PRKCH: variants seen among roughly 807,000 people sequenced by gnomAD.
The protein encoded by PRKCH is protein kinase C eta.
A neutral mutation model predicts 82.5 loss-of-function variants in PRKCH; 28 were observed. The observed-to-expected ratio is 0.34, with a 90% CI of 0.25 to 0.47. The LOEUF is 0.47. PRKCH is among the 20% of genes least tolerant of loss of function. The pLI is 1.00. For missense variants in PRKCH, 705 were observed against 881.8 expected (o/e 0.80, Z 2.54); for synonymous variants, 322 against 327.4 (o/e 0.98, Z 0.18).
At chr14:61,246,861 T>C (rs2044888815) in intron 1 of PRKCH, among the ~76,000 whole-genome samples, 1 of 152,218 alleles carries the variant, frequency 6.6e-6, no homozygotes. Flanking sequence ...GTGCTGGGAT[T>C]ACAGATGTGA....
upstream of PRKCH, among the ~76,000 whole-genome samples, chr14:61,318,549 T>C (rs1371990876): frequency 6.6e-6 from 1 of 152,040 alleles, no homozygotes; most frequent in African/African-American, 2.4e-5. Context: ...GTCCACACAG[T>C]TGGCTCAAGC....
At chr14:61,432,969 T>C (rs1175306834) in intron 2 of PRKCH, among the ~76,000 whole-genome samples, 1 of 145,228 alleles carries the variant, frequency 6.9e-6, no homozygotes, top group Non-Finnish European at 1.5e-5. Flanking sequence ...TACATAAGTA[T>C]ACGTGTACCA....
chr14:61,372,067 TG>T (rs2046370059), intron 1 of PRKCH, among the ~76,000 whole-genome samples: 1 of 152,014 alleles, frequency 6.6e-6, no homozygotes, highest in Non-Finnish European at 1.5e-5. Flanking sequence ...CCCATCCTGG[TG>T]GGTTTTTGTT....
At chr14:61,320,055 G>A (rs2045595781), upstream of PRKCH, among the ~76,000 whole-genome samples, 1 of 152,146 alleles carries the variant, frequency 6.6e-6, no homozygotes, top group Non-Finnish European at 1.5e-5. Flanking sequence ...GGCCAGGCAC[G>A]GGGGCTCATG....
chr14:61,537,133 T>C (rs2043121133), intron 12 of PRKCH, among the ~76,000 whole-genome samples: 1 of 152,202 alleles, frequency 6.6e-6, no homozygotes, highest in Admixed American at 6.5e-5. Flanking sequence ...GGGAAGACTA[T>C]TTTTCTTGCT....
intron 1 of PRKCH, among the ~76,000 whole-genome samples, chr14:61,333,023 T>G (rs2045810386): frequency 6.6e-6 from 1 of 152,256 alleles, no homozygotes; most frequent in Admixed American, 6.5e-5. Context: ...TACTCAGATT[T>G]GTTCTGGGCT....
At chr14:61,325,611 T>A (rs1034066116) in intron 1 of PRKCH, among the ~76,000 whole-genome samples, 4 of 152,146 alleles carry the variant, frequency 2.6e-5, no homozygotes, top group African/African-American at 9.7e-5. Flanking sequence ...ATCAGTAAGT[T>A]GGACTTTATC....
At chr14:61,300,391 A>T (rs973833721) in intron 1 of PRKCH, among the ~76,000 whole-genome samples, 1 of 152,218 alleles carries the variant, frequency 6.6e-6, no homozygotes, top group African/African-American at 2.4e-5. Context: ...AACAGAATTT[A>T]TTGAGCACCT....
intron 10 of PRKCH, among the ~76,000 whole-genome samples, chr14:61,491,852 C>T (rs1265603389): frequency 6.6e-6 from 1 of 152,082 alleles, no homozygotes; most frequent in Non-Finnish European, 1.5e-5. Context: ...GGGTATGATC[C>T]AGTGAGGGAG....
In PRKCH at chr14:61,313,641, T is replaced by C. The variant is rs186491397; in HGVS notation, c.-19+125973T>C. Among the ~76,000 whole-genome samples, 10 of 152,266 alleles carry C rather than the reference T, an allele frequency of 6.6e-5. No homozygotes were observed. In the East Asian group the frequency reaches 1.7e-3, roughly 26 times the overall value. The stretch of plus-strand genomic sequence containing the variant: ...AATTTACAAAAAAAAGAAGGTTTAA[T>C]TGGACTCATAGTTCCATGTGGCTGG... On this transcript the variant is annotated intron_variant, in intron 1 of 3. Coordinates refer to the PRKCH transcript ENST00000555185.
chr14:61,482,707 A>C (rs975846250), intron 9 of PRKCH, among the ~76,000 whole-genome samples: 1 of 152,198 alleles, frequency 6.6e-6, no homozygotes, highest in Non-Finnish European at 1.5e-5. Context: ...AGCAGAACCC[A>C]TCTTTCTGGA....
At chr14:61,519,025 G>A (rs917719812) in intron 10 of PRKCH, among the ~76,000 whole-genome samples, 11 of 152,112 alleles carry the variant, frequency 7.2e-5, no homozygotes, top group African/African-American at 2.7e-4. Flanking sequence ...GCTCACACCT[G>A]CAATCCCAGC....
intron 6 of PRKCH, among the ~76,000 whole-genome samples, chr14:61,451,400 T>G (rs1446950683): frequency 6.6e-6 from 1 of 151,668 alleles, no homozygotes; most frequent in Non-Finnish European, 1.5e-5. Context: ...AATGAGAAGG[T>G]TGGGTTAAGA....
At chr14:61,451,693 A>G (rs1050181505) in intron 6 of PRKCH, among the ~76,000 whole-genome samples, 47 of 152,306 alleles carry the variant, frequency 3.1e-4, no homozygotes, top group African/African-American at 1.1e-3. Context: ...TTGTATGGAA[A>G]TGTAATGATC....
intron 1 of PRKCH, among the ~76,000 whole-genome samples, chr14:61,198,329 T>C (rs553020180): frequency 6.6e-6 from 1 of 152,298 alleles, no homozygotes; most frequent in Admixed American, 6.5e-5. Flanking sequence ...GCCTAATTAC[T>C]GGAAGCTCCC....
At chr14:61,350,722 G>T (rs903409590) in intron 1 of PRKCH, among the ~76,000 whole-genome samples, 1 of 152,230 alleles carries the variant, frequency 6.6e-6, no homozygotes. Flanking sequence ...GGGCAGGATC[G>T]GTGCATGTAG....
At chr14:61,382,466 A>G (rs1179144441) in intron 1 of PRKCH, among the ~76,000 whole-genome samples, 1 of 152,090 alleles carries the variant, frequency 6.6e-6, no homozygotes, top group African/African-American at 2.4e-5. Context: ...AAAAAACAAG[A>G]AAAACCAATA....
intron 10 of PRKCH, among the ~76,000 whole-genome samples, chr14:61,516,675 T>C (rs969457570): frequency 5.3e-5 from 8 of 152,152 alleles, no homozygotes; most frequent in African/African-American, 1.9e-4. Context: ...GGGGAAAATG[T>C]GATGTCTTTT....
chr14:61,235,310 C>T (rs778561742), intron 1 of PRKCH, among the ~76,000 whole-genome samples: 7 of 152,222 alleles, frequency 4.6e-5, no homozygotes, highest in Non-Finnish European at 7.3e-5. Context: ...AGGCAAACAG[C>T]ATGCAATTCA....
Sources: allele counts gnomAD v4.1 joint callset (sites outside exome capture counted in the v4.1 genomes callset), GRCh38; gene constraint gnomAD v4.1.1; transcripts MANE v1.5; gene names NCBI Gene and HGNC (gene_info 2026-07-23, HGNC 2026-07-21).